SLC47A2: variants seen among roughly 807,000 people sequenced by gnomAD.
SLC47A2 encodes the protein multidrug and toxin extrusion protein 2.
SLC47A2 carries 52 observed loss-of-function variants against 67.7 expected under a neutral mutation model. The ratio of observed to expected loss-of-function variants is 0.77; its 90% confidence interval spans 0.61 to 0.97. The LOEUF (loss-of-function observed/expected upper bound fraction) is 0.97, where lower values mean the gene tolerates loss of function less well. SLC47A2 is among the 50% of genes least tolerant of loss of function. SLC47A2 has a pLI of 0.00. For synonymous variants in SLC47A2, 278 were observed against 292.9 expected (o/e 0.95, Z 0.52); for missense variants, 676 against 712.3 (o/e 0.95, Z 0.58).
intron 5 of SLC47A2, 152 bp from the exon 6 acceptor site, chr17:19,708,912 C>T: frequency 1.0e-6 from 1 of 963,668 alleles, no homozygotes. Flanking sequence ...GCGGCCAAAG[C>T]CTACCCAGCC....
intron 13 of SLC47A2, among the ~76,000 whole-genome samples, chr17:19,684,334 G>A (rs1465149757): frequency 6.6e-6 from 1 of 152,000 alleles, no homozygotes; most frequent in Non-Finnish European, 1.5e-5. Context: ...TAAACCATAA[G>A]TCAAAGAATA....
chr17:19,715,142 G>C lies in SLC47A2; in HGVS notation c.199C>G (p.Leu67Val). Reference protein sequence around the residue: ...VFCGHLGKVELASVTLAVAFV... With the variant: ...VFCGHLGKVEVASVTLAVAFV... ...GCCACCGCGAGGGTCACCGATGCCA[G>C]CTCCACCTTGCCCAGGTGCCCGCAG... Residue 67 changes from leucine to valine, a missense_variant, in exon 2 of 17, where the codon CTG becomes GTG. Coordinates refer to ENST00000433844, the MANE Select transcript of SLC47A2 (RefSeq NM_001099646.3). The C allele has an allele frequency of 6.2e-7, 1 of 1,612,474 alleles. No homozygotes were observed. Among genetic ancestry groups the C allele is most frequent in the Non-Finnish European group, 8.5e-7 (1 of 1,180,000 alleles).
intron 13 of SLC47A2, among the ~76,000 whole-genome samples, chr17:19,684,872 G>A (rs1250297536): frequency 6.6e-6 from 1 of 151,504 alleles, no homozygotes; most frequent in East Asian, 1.9e-4. Context: ...TCTTTCTACG[G>A]TCTCCCTCTC....
At chr17:19,707,497 G>T (rs1458727189) in intron 8 of SLC47A2, among the ~76,000 whole-genome samples, 1 of 152,192 alleles carries the variant, frequency 6.6e-6, no homozygotes, top group Non-Finnish European at 1.5e-5. Flanking sequence ...GCAGAGGCTG[G>T]GCAAGAAAGC....
chr17:19,705,494 C>G lies in SLC47A2; in HGVS notation c.851G>C (p.Ser284Thr). 6.2e-7 allele frequency: 1 copy of G among 1,608,442 alleles called. No homozygotes were observed. Among genetic ancestry groups the G allele is most frequent in the Non-Finnish European group, 8.5e-7 (1 of 1,178,052 alleles). ...EIGSFLMGLL[S>T]VVDLSAQAVI... ...AGCCTGGGCAGAGAGATCCACCACA[C>G]TGAGCAGCCCTAGAGAAGAGGCCCG... Residue 284 changes from serine to threonine, a missense_variant, in exon 10 of 17, where the codon AGT becomes ACT. Transcript: ENST00000433844.
chr17:19,714,587 A>C (rs2086198468), intron 3 of SLC47A2, 134 bp downstream of exon 3: 2 of 959,200 alleles, frequency 2.1e-6, no homozygotes, highest in Admixed American at 3.5e-5. Flanking sequence ...GAGGTAGGGC[A>C]GGGGCAGCTG....
intron 13 of SLC47A2, among the ~76,000 whole-genome samples, chr17:19,700,994 C>G (rs1597616686): frequency 6.7e-6 from 1 of 150,334 alleles, no homozygotes; most frequent in Admixed American, 6.6e-5. Context: ...ATGGTGAAAC[C>G]CTGTCTCTAC....
intron 13 of SLC47A2, among the ~76,000 whole-genome samples, chr17:19,684,689 T>C (rs2085382518): frequency 6.7e-6 from 1 of 148,984 alleles, no homozygotes; most frequent in African/African-American, 2.5e-5. Context: ...AGCAAGACTC[T>C]TTCTACAAAA....
rs1483247440 is a variant in SLC47A2 at position 19,681,648 on chromosome 17, C to G, written c.1187G>C (p.Arg396Thr). Residue 396 changes from arginine to threonine, a missense_variant, in exon 14 of 17, where the codon AGA (arginine) becomes ACA (threonine). Coordinates refer to ENST00000433844, the MANE Select transcript of SLC47A2 (RefSeq NM_001099646.3). Reference protein sequence around the residue: ...AICCVYGGVLRGTGKQAFGAA... With the variant: ...AICCVYGGVLTGTGKQAFGAA... ...ACCAAAGGCCTGCTTCCCAGTTCCT[C>G]TCAGAACTCCGCCATAGACACACTA... is the stretch of plus-strand genomic sequence containing the variant. 7 of 1,613,744 alleles carry G rather than the reference C, an allele frequency of 4.3e-6. No homozygotes were observed. Among genetic ancestry groups the G allele is most frequent in the Non-Finnish European group, 5.9e-6 (7 of 1,179,704 alleles).
Position 19,692,172 on chromosome 17 carries a change from G to A in SLC47A2, c.1164+10433C>T, listed in dbSNP as rs576049641. On this transcript the variant is annotated intron_variant, in intron 13 of 16. Coordinates refer to ENST00000433844, the MANE Select transcript of SLC47A2 (RefSeq NM_001099646.3). ...GAACTCGGAAGGCAGAGGTTGAAAT[G>A]AGCCAAGATCGTGCCACTGCACTCC... 334 of 369,194 alleles carry A rather than the reference G, an allele frequency of 9.0e-4. 1 individual carries two copies. Among genetic ancestry groups the A allele is most frequent in the Non-Finnish European group, 1.5e-3 (292 of 194,628 alleles). 22.9% of individuals were successfully genotyped at this position (369,194 alleles called of 1,614,324 possible).
intron 1 of SLC47A2, 61 bp from the exon 2 acceptor site, chr17:19,715,278 A>C: frequency 6.8e-7 from 1 of 1,472,864 alleles, no homozygotes; most frequent in Non-Finnish European, 9.4e-7. Flanking sequence ...CGAGCCCTGC[A>C]AGACAGGCCT....
chr17:19,701,595 A>G (rs1000425652), intron 13 of SLC47A2, among the ~76,000 whole-genome samples: 4 of 152,250 alleles, frequency 2.6e-5, no homozygotes, highest in African/African-American at 9.6e-5. Flanking sequence ...GAATTCACGT[A>G]ACTCCAGATG....
intron 13 of SLC47A2, among the ~76,000 whole-genome samples, chr17:19,691,984 C>T (rs1196329229): frequency 6.6e-6 from 1 of 152,162 alleles, no homozygotes; most frequent in East Asian, 1.9e-4. Flanking sequence ...AATCCCAGCA[C>T]TTTGGGAGGC....
chr17:19,706,758 C>A lies in SLC47A2; in HGVS notation c.731G>T (p.Trp244Leu), dbSNP rs376518777. Residue 244 changes from tryptophan (W) to leucine (L), a missense_variant, in exon 9 of 17, where the codon TGG (tryptophan) becomes TTG (leucine). Transcript: ENST00000433844. The stretch of plus-strand genomic sequence containing the variant: ...CCAGTCCTGCAGGCACTGGCTGGAC[C>A]AACCTGGAAACAGAGGCCCCATGAG... ...KKLHLETWAG[W>L]SSQCLQDWGP... 9 of 1,603,234 alleles carry A rather than the reference C, an allele frequency of 5.6e-6. No homozygotes were observed. The highest frequency in any genetic ancestry group is 7.6e-6 in the Non-Finnish European group (9 of 1,176,982).
chr17:19,713,860 G>A lies in SLC47A2; in HGVS notation c.408C>T (p.Ile136=), dbSNP rs758254255. The A allele has an allele frequency of 6.2e-7, 1 of 1,613,532 alleles. No individual in the cohort carries two copies. Among genetic ancestry groups the A allele is most frequent in the South Asian group, 1.1e-5 (1 of 91,052 alleles). ...CCGGGTCCTGCCGGAAGAGCAGCAGGATGTGCTGGGTGTTGAGGAAGAGCG... is the reference window on the plus strand; with the variant it reads ...CCGGGTCCTGCCGGAAGAGCAGCAGAATGTGCTGGGTGTTGAGGAAGAGCG... The part of the protein sequence containing the change: ...CWALFLNTQH[I]LLLFRQDPDV... The change falls in exon 4 of 17, where the codon ATC becomes ATT. Residue 136 remains isoleucine, a synonymous_variant. Transcript: ENST00000433844.
Position 19,703,159 on chromosome 17 carries a change from A to C in SLC47A2, c.1027T>G (p.Ser343Ala). 1 of 1,614,096 alleles carries C rather than the reference A, an allele frequency of 6.2e-7. No homozygotes were observed. Among genetic ancestry groups the C allele is most frequent in the Non-Finnish European group, 8.5e-7 (1 of 1,180,012 alleles). The change falls in exon 12 of 17, where the codon TCC (serine) becomes GCC (alanine). Residue 343 changes from serine (S) to alanine (A), a missense_variant. By Grantham distance (99) the Ser-to-Ala change is moderately conservative (BLOSUM62 1). Transcript: ENST00000433844. ...CTTATCAGGGTGCCCAGGACCAGGGAAATGCCAACTGGAAGAGACAAAAGG... is the reference window on the plus strand; with the variant it reads ...CTTATCAGGGTGCCCAGGACCAGGGCAATGCCAACTGGAAGAGACAAAAGG... Reference protein sequence around the residue: ...VSGVLSIVGISLVLGTLISIL... With the variant: ...VSGVLSIVGIALVLGTLISIL...
intron 13 of SLC47A2, among the ~76,000 whole-genome samples, chr17:19,686,249 C>T (rs919578238): frequency 1.1e-4 from 17 of 152,114 alleles, no homozygotes; most frequent in South Asian, 8.3e-4. Context: ...GCTACAAGAG[C>T]GAGACCCTGT....
intron 13 of SLC47A2, among the ~76,000 whole-genome samples, chr17:19,699,535 C>G (rs2085739963): frequency 6.6e-6 from 1 of 151,544 alleles, no homozygotes; most frequent in African/African-American, 2.4e-5. Flanking sequence ...TGTGTGCCAA[C>G]CCCGCCTCCC....
chr17:19,681,074 G>A (rs867140033), intron 15 of SLC47A2, among the ~76,000 whole-genome samples: 37 of 152,092 alleles, frequency 2.4e-4, no homozygotes, highest in African/African-American at 8.0e-4. Flanking sequence ...TTAGCTGGGC[G>A]TGGTGGCGGG....
Sources: allele counts gnomAD v4.1 joint callset (sites outside exome capture counted in the v4.1 genomes callset), GRCh38; gene constraint gnomAD v4.1.1; transcripts MANE v1.5; gene names NCBI Gene and HGNC (gene_info 2026-07-23, HGNC 2026-07-21).